Variants in DENND1B observed in about 807,000 individuals in gnomAD.
DENND1B encodes DENN domain-containing protein 1B.
Under a neutral mutation model 90.1 loss-of-function variants are expected in DENND1B, and 59 were observed. The ratio of observed to expected loss-of-function variants is 0.65; its 90% CI spans 0.53 to 0.81. DENND1B has a LOEUF of 0.81. Among genes scored for constraint, DENND1B ranks in the 40% least tolerant of loss-of-function variants. DENND1B has a pLI of 0.00. For synonymous variants in DENND1B, 337 were observed against 324.6 expected, an observed-to-expected ratio of 1.04 and a Z score of -0.41; for missense variants, 862 against 912.6, an observed-to-expected ratio of 0.94 and a Z score of 0.71.
chr1:197,568,258 A>G (rs749644194), intron 15 of DENND1B, among the ~76,000 whole-genome samples: 1 of 152,182 alleles, frequency 6.6e-6, no homozygotes, highest in Non-Finnish European at 1.5e-5. Flanking sequence ...TTACAATAGC[A>G]TAAAAAAATA....
Position 197,607,123 on chromosome 1 carries a change from T to C in DENND1B, c.871A>G (p.Asn291Asp). ...TCACTAAATGGTGATTCTAATGTGT[T>C]TGTATCAACATTTAACATAACAACA... ...EDVVMLNVDTNTLESPFSDLN... is the reference protein window; with the variant it reads ...EDVVMLNVDTDTLESPFSDLN... The change falls in exon 13 of 23, where the codon AAC becomes GAC. Residue 291 changes from asparagine to aspartate, a missense_variant. Asn to Asp is a conservative substitution (Grantham distance 23, BLOSUM62 1). Coordinates refer to ENST00000620048, the MANE Select transcript of DENND1B (RefSeq NM_001195215.2). 1 of 1,605,884 alleles carries C rather than the reference T, an allele frequency of 6.2e-7. No homozygotes were observed. Among genetic ancestry groups the C allele is most frequent in the African/African-American group, 1.3e-5 (1 of 74,460 alleles).
chr1:197,741,564 T>C (rs991533238), intron 2 of DENND1B, among the ~76,000 whole-genome samples: 6 of 152,154 alleles, frequency 3.9e-5, no homozygotes, highest in African/African-American at 1.4e-4. Context: ...TTAAAGTAAT[T>C]ATAAAGTAAC....
intron 2 of DENND1B, among the ~76,000 whole-genome samples, chr1:197,744,415 T>C (rs1328305979): frequency 6.6e-6 from 1 of 152,240 alleles, no homozygotes; most frequent in East Asian, 1.9e-4. Flanking sequence ...TTAGCAAGCA[T>C]TAAAACTTTT....
At chr1:197,603,491 T>G (rs1047920868) in intron 13 of DENND1B, among the ~76,000 whole-genome samples, 1 of 151,166 alleles carries the variant, frequency 6.6e-6, no homozygotes, top group Non-Finnish European at 1.5e-5. Context: ...ATTCTTACAA[T>G]CTAATAAGTT....
intron 16 of DENND1B, among the ~76,000 whole-genome samples, chr1:197,550,522 T>A (rs1393544973): frequency 1.3e-5 from 2 of 152,018 alleles, no homozygotes; most frequent in South Asian, 2.1e-4. Context: ...GGGACATGGA[T>A]GAAGCTGGAA....
intron 14 of DENND1B, among the ~76,000 whole-genome samples, chr1:197,593,084 G>A (rs747349204): frequency 2.0e-5 from 3 of 151,370 alleles, no homozygotes; most frequent in Admixed American, 1.3e-4. Flanking sequence ...AGAAGACATT[G>A]GTCTATTATA....
chr1:197,730,144 A>G (rs951618136), intron 2 of DENND1B, among the ~76,000 whole-genome samples: 1 of 152,000 alleles, frequency 6.6e-6, no homozygotes, highest in Non-Finnish European at 1.5e-5. Flanking sequence ...TCTAATTAAG[A>G]TTTTCTTTAA....
intron 3 of DENND1B, among the ~76,000 whole-genome samples, chr1:197,705,227 A>G (rs1659410358): frequency 6.6e-6 from 1 of 152,184 alleles, no homozygotes; most frequent in African/African-American, 2.4e-5. Flanking sequence ...ACAATTCAAT[A>G]AATTCCCTAA....
chr1:197,672,819 A>G, intron 4 of DENND1B, among the ~76,000 whole-genome samples: 1 of 152,074 alleles, frequency 6.6e-6, no homozygotes, highest in East Asian at 1.9e-4. Context: ...TCATACTACC[A>G]TAATATGTGT....
intron 3 of DENND1B, among the ~76,000 whole-genome samples, chr1:197,705,830 A>T (rs1488712443): frequency 2.6e-5 from 4 of 152,036 alleles, no homozygotes; most frequent in East Asian, 1.9e-4. Flanking sequence ...TTCCCAAGTC[A>T]TGTCTTCACT....
chr1:197,765,826 A>C (rs546483099), intron 2 of DENND1B, among the ~76,000 whole-genome samples: 2 of 152,368 alleles, frequency 1.3e-5, no homozygotes, highest in East Asian at 3.9e-4. Flanking sequence ...ACCTAATGAG[A>C]AAGTGATAAC....
intron 15 of DENND1B, among the ~76,000 whole-genome samples, chr1:197,570,441 G>A (rs983493536): frequency 3.9e-5 from 6 of 151,956 alleles, no homozygotes; most frequent in Non-Finnish European, 7.4e-5. Context: ...AGAGACTTTC[G>A]AAATAAATTT....
At chr1:197,529,284 A>G (rs1669437059) in intron 20 of DENND1B, among the ~76,000 whole-genome samples, 1 of 134,976 alleles carries the variant, frequency 7.4e-6, no homozygotes, top group East Asian at 2.2e-4. Flanking sequence ...GTATATATGT[A>G]TATATATGTA....
rs897607035 is a variant in DENND1B at position 197,672,131 on chromosome 1, G to T, written c.202C>A (p.His68Asn). The change falls in exon 5 of 23, where the codon CAC becomes AAC. Residue 68 changes from histidine (H) to asparagine (N), a missense_variant. Transcript: ENST00000620048. ...ERVSQNQVGQHFTFVLTDIES... is the reference protein window; with the variant it reads ...ERVSQNQVGQNFTFVLTDIES... ...ATGTCTGTCAGTACAAAGGTAAAGT[G>T]CTGTCCAACTTGATTCTGAGACACC... 2 of 1,611,328 alleles carry T rather than the reference G, an allele frequency of 1.2e-6. No homozygotes were observed. The highest frequency in any genetic ancestry group is 2.7e-5 in the African/African-American group (2 of 74,770).
chr1:197,538,656 ATT>A (rs67761711), intron 20 of DENND1B, among the ~76,000 whole-genome samples: 19,261 of 105,304 alleles, frequency 0.18, 1,679 homozygotes, highest in Middle Eastern at 0.45. Flanking sequence ...AATTAATGGG[ATT>A]TTTTTTTTTT....
intron 2 of DENND1B, among the ~76,000 whole-genome samples, chr1:197,723,250 T>G (rs185091641): frequency 6.6e-6 from 1 of 152,264 alleles, no homozygotes; most frequent in East Asian, 1.9e-4. Context: ...ATGAAAACCC[T>G]CATCAATCTC....
intron 20 of DENND1B, among the ~76,000 whole-genome samples, chr1:197,522,410 G>A (rs897886256): frequency 5.3e-5 from 8 of 151,972 alleles, no homozygotes; most frequent in African/African-American, 1.9e-4. Flanking sequence ...ATTCTGATGT[G>A]GCCGTAACAC....
chr1:197,658,278 A>T (rs1256166487), intron 6 of DENND1B, 22 bp downstream of exon 6: 1 of 1,583,426 alleles, frequency 6.3e-7, no homozygotes, highest in African/African-American at 1.4e-5. Flanking sequence ...CACAATTTAA[A>T]AATGGGGAAA....
At chr1:197,599,993 G>C (rs1488618748) in intron 13 of DENND1B, among the ~76,000 whole-genome samples, 1 of 151,630 alleles carries the variant, frequency 6.6e-6, no homozygotes, top group Non-Finnish European at 1.5e-5. Flanking sequence ...CAGCTATATA[G>C]GTCTTGAATT....
Sources: allele counts gnomAD v4.1 joint callset (sites outside exome capture counted in the v4.1 genomes callset), GRCh38; gene constraint gnomAD v4.1.1; transcripts MANE v1.5; gene names NCBI Gene and HGNC (gene_info 2026-07-23, HGNC 2026-07-21).